The following IKZF3 variants were observed in gnomAD, a reference collection of about 807,000 sequenced individuals.
IKZF3 encodes zinc finger protein Aiolos.
Under a neutral mutation model 49.0 loss-of-function variants are expected in IKZF3, and 10 were observed. The ratio of observed to expected loss-of-function variants is 0.20; its 90% confidence interval spans 0.13 to 0.35. The LOEUF is 0.35. Ranked by LOEUF, IKZF3 falls within the 10% of genes least tolerant of loss-of-function variation. IKZF3 has a pLI of 1.00. For synonymous variants in IKZF3, 209 were observed against 228.2 expected, an observed-to-expected ratio of 0.92 and a Z score of 0.76; for missense variants, 498 against 664.8, an observed-to-expected ratio of 0.75 and a Z score of 2.76.
Position 39,768,051 on chromosome 17 carries a change from C to CA in IKZF3, c.827-1559dup, listed in dbSNP as rs1197734158. ...TGGGTGGCAGAGTAAGACCTTGTCTCAAAAAAAAAAGTTGTAAAAGGACTG... is the reference window on the plus strand; with the variant it reads ...TGGGTGGCAGAGTAAGACCTTGTCTCAAAAAAAAAAAGTTGTAAAAGGACTG... On this transcript the variant is annotated intron_variant, in intron 7 of 7. Coordinates refer to ENST00000346872, the MANE Select transcript of IKZF3 (RefSeq NM_012481.5). Among the ~76,000 whole-genome samples, 776 of 148,144 alleles carry CA rather than the reference C, an allele frequency of 5.2e-3. 25 individuals are homozygous for CA. Among genetic ancestry groups the CA allele is most frequent in the East Asian group, 0.016 (81 of 5,096 alleles).
chr17:39,838,841 T>C (rs987412919), intron 1 of IKZF3, among the ~76,000 whole-genome samples: 7 of 151,336 alleles, frequency 4.6e-5, no homozygotes, highest in Non-Finnish European at 7.4e-5. Flanking sequence ...TTTGTTTTAC[T>C]TTTTTTTTAA....
In IKZF3 at chr17:39,792,719, G is replaced by A. The variant is rs768877351; in HGVS notation, c.378C>T (p.Ser126=). The change falls in exon 4 of 8, where the codon TCC becomes TCT. Residue 126 remains serine (S), a synonymous_variant. Transcript: ENST00000346872. ...GKMNCDVCGL[S]CISFNVLMVH... ...CCATTAAGACATTGAAGCTGATGCA[G>A]GATAATCCACACACATCGCAGTTCA... The A allele has an allele frequency of 1.9e-6, 3 of 1,614,022 alleles. No individual in the cohort carries two copies. Among genetic ancestry groups the A allele is most frequent in the Non-Finnish European group, 2.5e-6 (3 of 1,179,996 alleles).
chr17:39,835,434 G>A (rs1352403704), intron 1 of IKZF3: 1 of 465,898 alleles, frequency 2.1e-6, no homozygotes, highest in East Asian at 5.9e-5. Context: ...TCTGGCCTTT[G>A]AGGCCCTCTG....
chr17:39,810,258 T>TA (rs2061519466), intron 3 of IKZF3, among the ~76,000 whole-genome samples: 1 of 152,236 alleles, frequency 6.6e-6, no homozygotes, highest in South Asian at 2.1e-4. Flanking sequence ...TTTGAAAAAT[T>TA]ATATATCTCT....
At chr17:39,797,614 G>A (rs2061204071) in intron 3 of IKZF3, among the ~76,000 whole-genome samples, 1 of 151,706 alleles carries the variant, frequency 6.6e-6, no homozygotes, top group African/African-American at 2.4e-5. Context: ...GTAGAGACAG[G>A]GTTTTACCAT....
intron 3 of IKZF3, among the ~76,000 whole-genome samples, chr17:39,820,936 T>C (rs190276750): frequency 5.6e-4 from 86 of 152,322 alleles, no homozygotes; most frequent in African/African-American, 2.1e-3. Context: ...GGGTGTGGCA[T>C]GCCCAGAGAA....
At chr17:39,834,936 T>C in intron 1 of IKZF3, 1 of 360,170 alleles carries the variant, frequency 2.8e-6, no homozygotes, top group Non-Finnish European at 5.4e-6. Flanking sequence ...TGGGAGGGGG[T>C]AGGCTGGGAG....
intron 7 of IKZF3, among the ~76,000 whole-genome samples, chr17:39,773,033 C>T (rs2060484130): frequency 6.6e-6 from 1 of 152,168 alleles, no homozygotes; most frequent in Non-Finnish European, 1.5e-5. Context: ...CCCGGCTGGT[C>T]TTGAACTCCT....
At chr17:39,771,469 C>T (rs2060441139) in intron 7 of IKZF3, among the ~76,000 whole-genome samples, 1 of 152,166 alleles carries the variant, frequency 6.6e-6, no homozygotes, top group South Asian at 2.1e-4. Flanking sequence ...AAATCAGTAT[C>T]CTTAATGCTA....
intron 3 of IKZF3, among the ~76,000 whole-genome samples, chr17:39,811,853 C>T (rs2061568372): frequency 6.6e-6 from 1 of 152,168 alleles, no homozygotes; most frequent in African/African-American, 2.4e-5. Flanking sequence ...ACTGTTCTTG[C>T]CATGTCTTTG....
At chr17:39,816,704 T>C (rs2061684289) in intron 3 of IKZF3, among the ~76,000 whole-genome samples, 1 of 152,240 alleles carries the variant, frequency 6.6e-6, no homozygotes, top group African/African-American at 2.4e-5. Context: ...TGTTCAAAGT[T>C]AATACTTTTG....
Position 39,800,592 on chromosome 17 carries a change from G to A in IKZF3, c.164-7659C>T, listed in dbSNP as rs1323617647. Reference sequence around the variant, plus strand: ...AACTTTCTAAAGGAGCTACTCTAGGGTACAATTGCTCCCATCTTTGTCTAT... The same window carrying A: ...AACTTTCTAAAGGAGCTACTCTAGGATACAATTGCTCCCATCTTTGTCTAT... On this transcript the variant is annotated intron_variant, in intron 3 of 7. Transcript: ENST00000346872. Among the ~76,000 whole-genome samples, 4 of 152,102 alleles carry A rather than the reference G, an allele frequency of 2.6e-5. No individual in the cohort carries two copies. The East Asian group carries it at 7.7e-4, about 29-fold the overall frequency.
chr17:39,811,461 G>GAAGA (rs1851786448), intron 3 of IKZF3, among the ~76,000 whole-genome samples: 1 of 151,746 alleles, frequency 6.6e-6, no homozygotes, highest in Non-Finnish European at 1.5e-5. Context: ...AGAAAGAAAG[G>GAAGA]AAGAAAGAAA....
chr17:39,831,976 T>TA (rs1323781404), intron 2 of IKZF3, 122 bp downstream of exon 2: 603 of 664,370 alleles, frequency 9.1e-4, no homozygotes, highest in South Asian at 1.2e-3. Flanking sequence ...CAACCATATT[T>TA]AAAAAAAAAC....
chr17:39,774,937 G>A (rs1338576985), intron 7 of IKZF3, among the ~76,000 whole-genome samples: 1 of 152,140 alleles, frequency 6.6e-6, no homozygotes, highest in African/African-American at 2.4e-5. Context: ...TTACGCACAT[G>A]GGCTTTCTAA....
intron 1 of IKZF3, among the ~76,000 whole-genome samples, chr17:39,858,644 G>A (rs1390573186): frequency 6.6e-6 from 1 of 151,958 alleles, no homozygotes. Flanking sequence ...CCGAGTAGCT[G>A]GGACTACAGG....
chr17:39,839,752 T>G (rs1598170821), intron 1 of IKZF3, among the ~76,000 whole-genome samples: 1 of 152,002 alleles, frequency 6.6e-6, no homozygotes, highest in Non-Finnish European at 1.5e-5. Context: ...TTGACCTCCC[T>G]GGGCTCAGGT....
chr17:39,774,384 A>C (rs2060524735), intron 7 of IKZF3, among the ~76,000 whole-genome samples: 1 of 151,364 alleles, frequency 6.6e-6, no homozygotes, highest in South Asian at 2.1e-4. Context: ...GGAGGAGAGG[A>C]GGGAAGAGGA....
chr17:39,791,133 C>CA (rs1003289267), intron 5 of IKZF3, among the ~76,000 whole-genome samples: 1 of 152,062 alleles, frequency 6.6e-6, no homozygotes, highest in African/African-American at 2.4e-5. Context: ...AATTTTCTCA[C>CA]AAAAATTAAA....
Sources: gnomAD v4.1 joint callset for allele counts (sites outside exome capture counted in the v4.1 genomes callset) on GRCh38, gnomAD v4.1.1 for gene constraint, MANE v1.5 for transcripts, NCBI Gene and HGNC (gene_info 2026-07-23, HGNC 2026-07-21) for gene names.